BPTF: variants seen among roughly 807,000 people sequenced by gnomAD.
BPTF encodes nucleosome-remodeling factor subunit BPTF.
A neutral mutation model predicts 292.5 loss-of-function variants in BPTF; 18 were observed. The ratio of observed to expected loss-of-function variants is 0.06; its 90% CI spans 0.04 to 0.09. The LOEUF (loss-of-function observed/expected upper bound fraction) is 0.09, where lower values mean the gene tolerates loss of function less well. Ranked by LOEUF, BPTF falls within the 10% of genes least tolerant of loss-of-function variation. The probability of loss-of-function intolerance (pLI) is 1.00; values close to 1 mark genes in which losing one functional copy is unlikely to be tolerated. For synonymous variants in BPTF, 1,225 were observed against 1,251.9 expected (o/e 0.98, Z 0.45); for missense variants, 2,726 against 3,498.7 (o/e 0.78, Z 5.57).
intron 9 of BPTF, among the ~76,000 whole-genome samples, chr17:67,907,591 A>G (rs2062317497): frequency 6.6e-6 from 1 of 152,084 alleles, no homozygotes; most frequent in Non-Finnish European, 1.5e-5. Context: ...CCTGACTTCA[A>G]GTGATCTGCC....
chr17:67,857,604 C>T (rs2058780243), intron 2 of BPTF, among the ~76,000 whole-genome samples: 1 of 151,542 alleles, frequency 6.6e-6, no homozygotes, highest in South Asian at 2.1e-4. Context: ...GTAGCTGGGA[C>T]TACAGGTGTG....
chr17:67,833,575 C>CTT (rs879467989), intron 1 of BPTF, among the ~76,000 whole-genome samples: 10 of 142,654 alleles, frequency 7.0e-5, no homozygotes, highest in Admixed American at 2.1e-4. Context: ...TAATTTCTTT[C>CTT]TTTTTTTTTT....
At chr17:67,829,166 TG>T (rs1352820785) in intron 1 of BPTF, among the ~76,000 whole-genome samples, 29 of 151,900 alleles carry the variant, frequency 1.9e-4, no homozygotes, top group South Asian at 4.2e-4. Context: ...GATCAGTGAA[TG>T]TTTTTTTTTT....
At chr17:67,836,368 G>A (rs1598127599) in intron 1 of BPTF, among the ~76,000 whole-genome samples, 1 of 152,264 alleles carries the variant, frequency 6.6e-6, no homozygotes, top group East Asian at 1.9e-4. Context: ...CTTCTTGCTC[G>A]ATTTCAGTAT....
At chr17:67,834,291 T>G (rs2144024215) in intron 1 of BPTF, among the ~76,000 whole-genome samples, 1 of 152,364 alleles carries the variant, frequency 6.6e-6, no homozygotes, top group Non-Finnish European at 1.5e-5. Context: ...TTTGTATGAC[T>G]TTAATTTTAT....
chr17:67,828,211 T>TGAGCCAC (rs1022992124), intron 1 of BPTF, among the ~76,000 whole-genome samples: 1 of 152,140 alleles, frequency 6.6e-6, no homozygotes, highest in African/African-American at 2.4e-5. Flanking sequence ...ACTACAGGTG[T>TGAGCCAC]GAGCCACCGC....
Position 67,825,904 on chromosome 17 carries a change from C to T in BPTF, c.180C>T (p.Pro60=). ...CCGCCGCCCAGGCTGAGGTGGCGCC[C>T]AAGACGCGGCTGAGCTCGCCCAGGG... ...RWAAAQAEVA[P]KTRLSSPRGG... The change falls in exon 1 of 28, where the codon CCC becomes CCT. Residue 60 remains proline (P), a synonymous_variant. Transcript: ENST00000306378. 2 of 1,016,140 alleles carry T rather than the reference C, an allele frequency of 2.0e-6. No individual in the cohort carries two copies. Among genetic ancestry groups the T allele is most frequent in the Non-Finnish European group, 1.2e-6 (1 of 851,746 alleles). The allele number at this position is 1,016,140 out of a possible 1,614,324, so 62.9% of individuals were successfully genotyped here.
At chr17:67,868,106 T>C (rs2059495293) in intron 3 of BPTF, among the ~76,000 whole-genome samples, 1 of 152,206 alleles carries the variant, frequency 6.6e-6, no homozygotes, top group African/African-American at 2.4e-5. Flanking sequence ...ATTGGATATT[T>C]ATTAGGTTAT....
intron 11 of BPTF, among the ~76,000 whole-genome samples, chr17:67,917,131 C>CCTTTTTTTTTTTTTTTTTTTTTTTTTT (rs2063065953): frequency 9.5e-5 from 10 of 105,794 alleles, no homozygotes; most frequent in African/African-American, 3.6e-4. Context: ...TGGTATTGTC[C>CCTTTTTTTTTTTTTTTTTTTTTTTTTT]TTTTTTTTTT....
At chr17:67,923,167 C>T (rs1159705613) in intron 14 of BPTF, among the ~76,000 whole-genome samples, 177 bp downstream of exon 14, 1 of 151,512 alleles carries the variant, frequency 6.6e-6, no homozygotes. Context: ...GTGATCCTCC[C>T]ACCTCAGCCT....
At chr17:67,891,211 G>A (rs1040164805) in intron 4 of BPTF, among the ~76,000 whole-genome samples, 1 of 152,102 alleles carries the variant, frequency 6.6e-6, no homozygotes, top group African/African-American at 2.4e-5. Flanking sequence ...TTCAGCCAAA[G>A]TGAGATTGAT....
intron 4 of BPTF, chr17:67,875,809 C>T (rs192303979): frequency 1.7e-5 from 22 of 1,278,372 alleles, no homozygotes; most frequent in East Asian, 5.9e-5. Flanking sequence ...TAGTAAAAGC[C>T]GAATGTCACC....
chr17:67,944,066 TACAC>T, intron 19 of BPTF, 80 bp from the exon 20 acceptor site: 3 of 996,298 alleles, frequency 3.0e-6, no homozygotes, highest in Non-Finnish European at 4.6e-6. Context: ...AAAAGATAAT[TACAC>T]ATAAAAATGA....
intron 3 of BPTF, among the ~76,000 whole-genome samples, chr17:67,868,144 TACTCA>T (rs2059497397): frequency 6.6e-6 from 1 of 152,226 alleles, no homozygotes; most frequent in South Asian, 2.1e-4. Flanking sequence ...TTTATTTTGT[TACTCA>T]ACTCTTTATT....
At chr17:67,895,860 G>C (rs1175502075) in intron 7 of BPTF, among the ~76,000 whole-genome samples, 1 of 148,128 alleles carries the variant, frequency 6.8e-6, no homozygotes, top group Non-Finnish European at 1.5e-5. Context: ...ACAGTAGAGA[G>C]ACTTTTACCC....
At chr17:67,832,151 G>A (rs1168038773) in intron 1 of BPTF, among the ~76,000 whole-genome samples, 1 of 151,940 alleles carries the variant, frequency 6.6e-6, no homozygotes, top group Non-Finnish European at 1.5e-5. Flanking sequence ...GCCTCCCAAA[G>A]TGCTGGGATT....
chr17:67,947,700 G>A (rs782480575), intron 21 of BPTF, 26 bp from the exon 22 acceptor site: 29 of 1,531,368 alleles, frequency 1.9e-5, no homozygotes, highest in East Asian at 7.3e-5. Context: ...TAAAATATGC[G>A]CTTTTGGATT....
chr17:67,880,772 A>C (rs57635853), intron 4 of BPTF, among the ~76,000 whole-genome samples: 15,259 of 151,988 alleles, frequency 0.1, 2,616 homozygotes, highest in African/African-American at 0.35. Flanking sequence ...AAGTAGCTGA[A>C]ACTATAGGCT....
chr17:67,900,304 C>T lies in BPTF; in HGVS notation c.2544-3485C>T, dbSNP rs138786985. ...ATTTTTAGTAGAGATGGGGTTTTGT[C>T]GTGTTGGCCAGGCTGGTCTCGAACT... On this transcript the variant is annotated intron_variant, in intron 7 of 27. Transcript: ENST00000306378. Among the ~76,000 whole-genome samples the T allele has an allele frequency of 4.6e-3, 705 of 151,724 alleles. 5 individuals are homozygous for T. Among genetic ancestry groups the T allele is most frequent in the African/African-American group, 0.016 (651 of 41,440 alleles).
Sources: allele counts gnomAD v4.1 joint callset (sites outside exome capture counted in the v4.1 genomes callset), GRCh38; gene constraint gnomAD v4.1.1; transcripts MANE v1.5; gene names NCBI Gene and HGNC (gene_info 2026-07-23, HGNC 2026-07-21).